Variants in DDX10 observed in about 807,000 individuals in gnomAD.
DDX10 encodes DEAD-box helicase 10.
DDX10 carries 74 observed loss-of-function variants against 104.3 expected under a neutral mutation model. That is an observed-to-expected ratio of 0.71 (90% CI 0.59 to 0.86). The LOEUF (loss-of-function observed/expected upper bound fraction) is 0.86, where lower values mean the gene tolerates loss of function less well. DDX10 is among the 40% of genes least tolerant of loss of function. DDX10 has a pLI of 0.00. For synonymous variants in DDX10, 351 were observed against 353.4 expected (o/e 0.99, Z 0.08); for missense variants, 952 against 1,040.0 (o/e 0.92, Z 1.16).
At position 108,834,927 on chromosome 11, in the gene DDX10, C is replaced by CAAAAAAA. The variant is rs56174572; in HGVS notation, c.1966-3503_1966-3497dup. Among the ~76,000 whole-genome samples the CAAAAAAA allele has an allele frequency of 2.7e-4, 17 of 62,248 alleles. 1 individual carries two copies. The highest frequency in any genetic ancestry group is 3.3e-4 in the Non-Finnish European group (12 of 36,342). The allele number at this position is 62,248 out of a possible 152,430, so 40.8% of individuals were successfully genotyped here. A position where few individuals can be genotyped will look rare whatever the true frequency, so the allele number is the denominator to read the frequency against. On this transcript the variant is annotated intron_variant, in intron 13 of 17. Transcript: ENST00000322536. ...TGGGCGACTGAGCAAGACTCCATCTCAAAAAAAAAAAAAAAAAAAAAAGAA... is the reference window on the plus strand; with the variant it reads ...TGGGCGACTGAGCAAGACTCCATCTCAAAAAAAAAAAAAAAAAAAAAAAAAAAAAGAA...
intron 3 of DDX10, 175 bp downstream of exon 3, chr11:108,675,901 A>G: frequency 1.4e-6 from 1 of 724,786 alleles, no homozygotes; most frequent in South Asian, 1.8e-5. Flanking sequence ...CATTTTCCCC[A>G]GGTTCTAGCA....
chr11:108,800,045 C>T (rs1451573916), intron 13 of DDX10, among the ~76,000 whole-genome samples: 1 of 152,066 alleles, frequency 6.6e-6, no homozygotes, highest in Admixed American at 6.6e-5. Flanking sequence ...TTAAGTGATT[C>T]TCCCACTTCA....
intron 16 of DDX10, among the ~76,000 whole-genome samples, chr11:108,852,636 C>G (rs574891031): frequency 8.5e-5 from 13 of 152,292 alleles, no homozygotes; most frequent in African/African-American, 3.1e-4. Context: ...CAGTTCAGCT[C>G]TTAGAATCTA....
At chr11:108,773,232 C>G (rs866827751) in intron 13 of DDX10, among the ~76,000 whole-genome samples, 1 of 152,150 alleles carries the variant, frequency 6.6e-6, no homozygotes, top group South Asian at 2.1e-4. Context: ...AATGGTTTCT[C>G]TCATCATTTG....
At chr11:108,901,740 C>T (rs2134649053) in intron 16 of DDX10, among the ~76,000 whole-genome samples, 1 of 152,192 alleles carries the variant, frequency 6.6e-6, no homozygotes, top group African/African-American at 2.4e-5. Context: ...AAAGATAGGC[C>T]AGCCAGCACA....
At chr11:108,888,796 A>AT (rs397706770) in intron 16 of DDX10, among the ~76,000 whole-genome samples, 3 of 151,658 alleles carry the variant, frequency 2.0e-5, no homozygotes, top group Non-Finnish European at 4.4e-5. Context: ...AAAAAAAAAA[A>AT]CCACTTTTTT....
intron 13 of DDX10, among the ~76,000 whole-genome samples, chr11:108,742,618 CT>C (rs774350084): frequency 6.6e-6 from 1 of 151,924 alleles, no homozygotes; most frequent in African/African-American, 2.4e-5. Context: ...CCAGGGGTTG[CT>C]TTTTTTGAAA....
At chr11:108,724,418 A>G (rs2094302614) in intron 13 of DDX10, among the ~76,000 whole-genome samples, 1 of 152,078 alleles carries the variant, frequency 6.6e-6, no homozygotes, top group Non-Finnish European at 1.5e-5. Flanking sequence ...GTGACGGAAA[A>G]AAAATAACTG....
chr11:108,706,085 C>T (rs1177421844), intron 9 of DDX10, among the ~76,000 whole-genome samples: 2 of 152,054 alleles, frequency 1.3e-5, no homozygotes, highest in East Asian at 3.9e-4. Context: ...AATTCTCCTA[C>T]CTCAGCCTCC....
intron 13 of DDX10, among the ~76,000 whole-genome samples, chr11:108,729,304 A>G (rs1284617284): frequency 2.0e-5 from 3 of 152,172 alleles, no homozygotes; most frequent in Non-Finnish European, 4.4e-5. Flanking sequence ...CCTCCAGACC[A>G]TATTCAGATC....
intron 16 of DDX10, among the ~76,000 whole-genome samples, chr11:108,874,440 A>T (rs1183220479): frequency 2.0e-5 from 3 of 152,154 alleles, no homozygotes; most frequent in Non-Finnish European, 2.9e-5. Context: ...TCTGTTGATT[A>T]CTCTACATTG....
intron 16 of DDX10, among the ~76,000 whole-genome samples, chr11:108,915,654 G>A (rs1863738033): frequency 6.6e-6 from 1 of 152,074 alleles, no homozygotes; most frequent in South Asian, 2.1e-4. Flanking sequence ...TAGACCAATG[G>A]ATTTTAATGT....
chr11:108,923,762 A>G (rs1379538946), intron 17 of DDX10, among the ~76,000 whole-genome samples: 6 of 152,192 alleles, frequency 3.9e-5, no homozygotes, highest in Non-Finnish European at 5.9e-5. Context: ...TGGAGACCAC[A>G]TAAGTGATGG....
intron 15 of DDX10, among the ~76,000 whole-genome samples, chr11:108,843,523 G>A (rs1396744736): frequency 6.6e-6 from 1 of 151,848 alleles, no homozygotes; most frequent in Non-Finnish European, 1.5e-5. Flanking sequence ...ACTTTGGGAG[G>A]CTGAGGTGAG....
intron 13 of DDX10, among the ~76,000 whole-genome samples, chr11:108,739,848 C>A (rs184778701): frequency 2.0e-5 from 3 of 152,208 alleles, no homozygotes; most frequent in Non-Finnish European, 4.4e-5. Flanking sequence ...TCATCCCTTT[C>A]TTATCAGATT....
chr11:108,819,971 A>G (rs1005467945), intron 13 of DDX10, among the ~76,000 whole-genome samples: 9 of 152,212 alleles, frequency 5.9e-5, no homozygotes, highest in Non-Finnish European at 1.0e-4. Flanking sequence ...CCTACAAGCA[A>G]TGTTCCTAAA....
Position 108,677,146 on chromosome 11 carries a change from T to C in DDX10, c.440T>C (p.Ile147Thr). ...ACAGATGGGCTGGGGGTTCTCATAATATCACCTACGAGAGAACTGGCCTAT... is the reference window on the plus strand; with the variant it reads ...ACAGATGGGCTGGGGGTTCTCATAACATCACCTACGAGAGAACTGGCCTAT... The part of the protein sequence containing the change: ...TSTDGLGVLI[I>T]SPTRELAYQT... Residue 147 changes from isoleucine to threonine, a missense_variant, in exon 4 of 18, where the codon ATA (isoleucine) becomes ACA (threonine). Around this residue, in one of 3 missense-constraint regions of DDX10, gnomAD observed 412 missense variants for 479.2 expected, o/e 0.86. Coordinates refer to ENST00000322536, the MANE Select transcript of DDX10 (RefSeq NM_004398.4). The C allele has an allele frequency of 1.9e-6, 3 of 1,613,898 alleles. No individual in the cohort carries two copies. The highest frequency in any genetic ancestry group is 2.5e-6 in the Non-Finnish European group (3 of 1,179,930).
At chr11:108,731,506 A>G (rs941514263) in intron 13 of DDX10, among the ~76,000 whole-genome samples, 1 of 147,842 alleles carries the variant, frequency 6.8e-6, no homozygotes, top group African/African-American at 2.4e-5. Flanking sequence ...CCGTGATCTC[A>G]ATTGGGTTTC....
At chr11:108,838,394 A>G (rs780585082) in intron 13 of DDX10, 52 bp from the exon 14 acceptor site, 27 of 1,574,816 alleles carry the variant, frequency 1.7e-5, no homozygotes, top group Non-Finnish European at 2.3e-5. Context: ...GATTGTTAAT[A>G]TAAAGCAACC....
Sources: gnomAD v4.1 joint callset for allele counts (sites outside exome capture counted in the v4.1 genomes callset) on GRCh38, gnomAD v4.1.1 for gene constraint, gnomAD v4.1.1 regional missense constraint, MANE v1.5 for transcripts, NCBI Gene and HGNC (gene_info 2026-07-23, HGNC 2026-07-21) for gene names.